Variants in KIF6 observed in about 807,000 individuals in gnomAD.
The protein encoded by KIF6 is kinesin-like protein KIF6.
In KIF6, 106 loss-of-function variants were observed where a neutral mutation model predicts 112.7. The ratio of observed to expected loss-of-function variants is 0.94; its 90% CI spans 0.80 to 1.11. The LOEUF (loss-of-function observed/expected upper bound fraction) is 1.11, where lower values mean the gene tolerates loss of function less well. Among genes scored for constraint, KIF6 ranks in the 50% least tolerant of loss-of-function variants. The probability of loss-of-function intolerance (pLI) is 0.00; values close to 1 mark genes in which losing one functional copy is unlikely to be tolerated. For missense variants in KIF6, 929 were observed against 964.0 expected, an observed-to-expected ratio of 0.96 and a Z score of 0.48; for synonymous variants, 339 against 339.9, an observed-to-expected ratio of 1.00 and a Z score of 0.03.
chr6:39,445,055 G>A (rs1772218128), intron 13 of KIF6, among the ~76,000 whole-genome samples: 1 of 152,184 alleles, frequency 6.6e-6, no homozygotes, highest in African/African-American at 2.4e-5. Context: ...CCTTGACTCT[G>A]CCATTAAGGA....
At chr6:39,695,130 A>G (rs146934764) in intron 3 of KIF6, among the ~76,000 whole-genome samples, 158 of 152,312 alleles carry the variant, frequency 1.0e-3, no homozygotes, top group African/African-American at 3.6e-3. Context: ...AAAAGAATCA[A>G]ACTGGACCCC....
intron 3 of KIF6, among the ~76,000 whole-genome samples, chr6:39,714,129 T>A (rs1789700153): frequency 6.6e-6 from 1 of 152,180 alleles, no homozygotes. Context: ...ATTAATAAAT[T>A]GGCATTCTGA....
intron 13 of KIF6, among the ~76,000 whole-genome samples, chr6:39,441,774 A>G (rs988009502): frequency 6.6e-6 from 1 of 152,234 alleles, no homozygotes; most frequent in Non-Finnish European, 1.5e-5. Flanking sequence ...TAGTGCCCCA[A>G]GGCTTTGAGG....
At chr6:39,515,695 C>A (rs984772798) in intron 13 of KIF6, among the ~76,000 whole-genome samples, 5 of 152,200 alleles carry the variant, frequency 3.3e-5, no homozygotes, top group Non-Finnish European at 7.3e-5. Context: ...CCACCCCTCC[C>A]ACTGTGAGAG....
chr6:39,533,293 G>T (rs1356145938), intron 13 of KIF6, among the ~76,000 whole-genome samples: 1 of 152,156 alleles, frequency 6.6e-6, no homozygotes, highest in African/African-American at 2.4e-5. Flanking sequence ...CCGGAAAATC[G>T]GGTCACTCCC....
intron 13 of KIF6, among the ~76,000 whole-genome samples, chr6:39,480,083 C>A (rs1216090138): frequency 6.6e-6 from 1 of 152,144 alleles, no homozygotes; most frequent in Admixed American, 6.5e-5. Flanking sequence ...ACTTCCAGTA[C>A]TATGTTGAAT....
intron 13 of KIF6, among the ~76,000 whole-genome samples, chr6:39,445,269 A>G (rs1339419242): frequency 6.6e-6 from 1 of 152,194 alleles, no homozygotes; most frequent in Non-Finnish European, 1.5e-5. Flanking sequence ...GTGGGCTTTG[A>G]GGAGAAGAAA....
intron 3 of KIF6, among the ~76,000 whole-genome samples, chr6:39,666,818 T>C (rs1786491011): frequency 6.6e-6 from 1 of 152,228 alleles, no homozygotes; most frequent in Non-Finnish European, 1.5e-5. Flanking sequence ...TTTGAAACAC[T>C]TGCAGCACTC....
intron 13 of KIF6, among the ~76,000 whole-genome samples, chr6:39,498,807 A>C (rs1259126433): frequency 6.6e-6 from 1 of 152,202 alleles, no homozygotes; most frequent in African/African-American, 2.4e-5. Context: ...ATTGTTATAA[A>C]AAACAGCTAG....
At chr6:39,419,467 C>T (rs1350947069) in intron 15 of KIF6, among the ~76,000 whole-genome samples, 1 of 152,086 alleles carries the variant, frequency 6.6e-6, no homozygotes, top group Non-Finnish European at 1.5e-5. Flanking sequence ...TCCGTGGCAG[C>T]CTCCACCTTG....
intron 3 of KIF6, among the ~76,000 whole-genome samples, chr6:39,653,298 A>G (rs1217741550): frequency 6.6e-6 from 1 of 152,194 alleles, no homozygotes; most frequent in Non-Finnish European, 1.5e-5. Flanking sequence ...TAAAAACAGG[A>G]AAGAAAATTA....
chr6:39,570,832 G>A (rs147104694), intron 10 of KIF6, among the ~76,000 whole-genome samples: 41 of 152,258 alleles, frequency 2.7e-4, no homozygotes, highest in African/African-American at 8.4e-4. Context: ...GGACTTCCAA[G>A]CCATGCTAAA....
intron 13 of KIF6, among the ~76,000 whole-genome samples, chr6:39,500,634 A>G (rs1262025778): frequency 1.3e-5 from 2 of 152,192 alleles, no homozygotes; most frequent in Non-Finnish European, 2.9e-5. Flanking sequence ...GAGGACAACA[A>G]TGTTACTACT....
chr6:39,548,631 G>A (rs559570968), intron 10 of KIF6, among the ~76,000 whole-genome samples: 1 of 152,316 alleles, frequency 6.6e-6, no homozygotes, highest in Non-Finnish European at 1.5e-5. Flanking sequence ...GCTTAATTCA[G>A]ATGTTTTCGT....
At chr6:39,480,942 T>C (rs1774757209) in intron 13 of KIF6, among the ~76,000 whole-genome samples, 1 of 152,176 alleles carries the variant, frequency 6.6e-6, no homozygotes, top group Admixed American at 6.5e-5. Context: ...TTGGATATTT[T>C]CTCTTCTTTT....
chr6:39,582,013 T>C (rs1347793823), intron 9 of KIF6, among the ~76,000 whole-genome samples: 1 of 152,198 alleles, frequency 6.6e-6, no homozygotes, highest in Non-Finnish European at 1.5e-5. Flanking sequence ...TATCGGATCA[T>C]GTGGGTTTTG....
At chr6:39,416,768 T>C (rs73732104) in intron 15 of KIF6, among the ~76,000 whole-genome samples, 3,393 of 152,306 alleles carry the variant, frequency 0.022, 124 homozygotes, top group African/African-American at 0.078. Context: ...TGGATCACAA[T>C]GTCAGAGAAA....
chr6:39,590,451 A>ATTTT lies in KIF6; in HGVS notation c.847-4051_847-4048dup, dbSNP rs58169713. Among the ~76,000 whole-genome samples the ATTTT allele has an allele frequency of 3.7e-3, 311 of 84,716 alleles. 7 individuals carry two copies. The highest frequency in any genetic ancestry group is 0.015 in the African/African-American group (287 of 19,664). 55.6% of individuals were successfully genotyped at this position (84,716 alleles called of 152,430 possible). On this transcript the variant is annotated intron_variant, in intron 7 of 22. Transcript: ENST00000287152. Reference sequence around the variant, plus strand: ...TGTGTATATATATATATATATATATATTTTTTTTTTTTTTTTGAGATGGAG... The same window carrying ATTTT: ...TGTGTATATATATATATATATATATATTTTTTTTTTTTTTTTTTTTGAGATGGAG...
chr6:39,407,206 G>GT (rs1197035437), intron 15 of KIF6, among the ~76,000 whole-genome samples: 1 of 152,096 alleles, frequency 6.6e-6, no homozygotes, highest in African/African-American at 2.4e-5. Context: ...TTGAGCTGTG[G>GT]TTTTTTAATT....
Sources: gnomAD v4.1 joint callset for allele counts (sites outside exome capture counted in the v4.1 genomes callset) on GRCh38, gnomAD v4.1.1 for gene constraint, MANE v1.5 for transcripts, NCBI Gene and HGNC (gene_info 2026-07-23, HGNC 2026-07-21) for gene names.